The following PDK4 variants were observed in gnomAD, a reference collection of about 807,000 sequenced individuals.
The protein encoded by PDK4 is pyruvate dehydrogenase kinase, isozyme 4.
In PDK4, 43 loss-of-function variants were observed where a neutral mutation model predicts 51.7. That is an observed-to-expected ratio of 0.83 (90% CI 0.65 to 1.07). The LOEUF is 1.07. Among genes scored for constraint, PDK4 ranks in the 50% least tolerant of loss-of-function variants. The pLI is 0.00. For missense variants in PDK4, 498 were observed against 503.5 expected (o/e 0.99, Z 0.10); for synonymous variants, 170 against 176.6 (o/e 0.96, Z 0.30).
intron 1 of PDK4, among the ~76,000 whole-genome samples, chr7:95,595,793 C>T (rs1029083001): frequency 7.9e-5 from 12 of 152,168 alleles, no homozygotes; most frequent in African/African-American, 2.7e-4. Context: ...CTATTTAATA[C>T]TATTCAGAAA....
rs775862416 is a variant in PDK4, at chr7:95,587,452, G to A, written c.947C>T (p.Thr316Met). 2.0e-5 allele frequency: 32 copies of A among 1,608,566 alleles called. No individual in the cohort carries two copies. The Admixed American group carries it at 3.3e-4, about 17-fold the overall frequency. Residue 316 changes from threonine (T) to methionine (M), a missense_variant, in exon 9 of 11, where the codon ACG (threonine) becomes ATG (methionine). Coordinates refer to ENST00000005178, the MANE Select transcript of PDK4 (RefSeq NM_002612.4). ...ATTCCGGGAATTATCCATCACAGGC[G>A]TTGGTGCAGTGGAGTATGTATAACT... The part of the protein sequence containing the change: ...LFSYTYSTAP[T>M]PVMDNSRNAP...
chr7:95,594,955 A>G (rs922107159), intron 2 of PDK4, 68 bp downstream of exon 2: 2 of 1,060,958 alleles, frequency 1.9e-6, no homozygotes, highest in Admixed American at 2.2e-5. Context: ...TGATGTTAAC[A>G]TAGTATAAGA....
chr7:95,592,022 T>A lies in PDK4; in HGVS notation c.660A>T (p.Leu220Phe). Residue 220 changes from leucine to phenylalanine, a missense_variant, in exon 6 of 11, where the codon TTA becomes TTT. Transcript: ENST00000005178. ...GTGTAAGCTTTAATTCTGGAGATGA[T>A]AAATAATACTGATCACAGAGCATCC... ...CSRMLCDQYY[L>F]SSPELKLTQV... 1 of 1,577,590 alleles carries A rather than the reference T, an allele frequency of 6.3e-7. No homozygotes were observed. Among genetic ancestry groups the A allele is most frequent in the Non-Finnish European group, 8.6e-7 (1 of 1,159,190 alleles).
At chr7:95,587,179 A>G in intron 9 of PDK4, 56 bp from the exon 10 acceptor site, 2 of 1,042,832 alleles carry the variant, frequency 1.9e-6, no homozygotes, top group Non-Finnish European at 3.0e-6. Context: ...TGAAATACAA[A>G]CAAGCAGGAA....
chr7:95,587,473 T>A lies in PDK4; in HGVS notation c.926A>T (p.Tyr309Phe). Residue 309 changes from tyrosine (Y) to phenylalanine (F), a missense_variant, in exon 9 of 11, where the codon TAT becomes TTT. Physicochemically the swap from Tyr to Phe is conservative, Grantham distance 22. Coordinates refer to ENST00000005178, the MANE Select transcript of PDK4 (RefSeq NM_002612.4). ...PLRIIDRLFS[Y>F]TYSTAPTPVM... ...AGGCGTTGGTGCAGTGGAGTATGTA[T>A]AACTAAAGAGGCGGTCAATAATTCT... The A allele has an allele frequency of 6.2e-7, 1 of 1,612,360 alleles. No homozygotes were observed. Among genetic ancestry groups the A allele is most frequent in the Non-Finnish European group, 8.5e-7 (1 of 1,178,374 alleles).
At chr7:95,594,042 T>C (rs537482911) in intron 2 of PDK4, among the ~76,000 whole-genome samples, 1 of 152,354 alleles carries the variant, frequency 6.6e-6, no homozygotes, top group East Asian at 1.9e-4. Context: ...TGGCAAATAT[T>C]TTCATTTCTT....
intron 2 of PDK4, among the ~76,000 whole-genome samples, chr7:95,593,975 C>A (rs551859881): frequency 1.2e-4 from 19 of 152,248 alleles, no homozygotes; most frequent in African/African-American, 4.3e-4. Context: ...TAAAATTTAA[C>A]GCAAAATGTT....
chr7:95,592,425 T>TTA, intron 5 of PDK4, 86 bp downstream of exon 5: 10 of 803,368 alleles, frequency 1.2e-5, no homozygotes, highest in Non-Finnish European at 1.7e-5. Flanking sequence ...GAATATAAAT[T>TTA]CATTCACAGA....
Position 95,589,510 on chromosome 7 carries a change from A to G in PDK4, c.771+130T>C, listed in dbSNP as rs1374649334. On this transcript the variant is annotated intron_variant, in intron 7 of 10. Coordinates refer to ENST00000005178, the MANE Select transcript of PDK4 (RefSeq NM_002612.4). Reference sequence around the variant, plus strand: ...ATTGACTGTATAGTTTCTTTCTCTTAGGAGGACTAGAAGCATTCTTGGGAA... The same window carrying G: ...ATTGACTGTATAGTTTCTTTCTCTTGGGAGGACTAGAAGCATTCTTGGGAA... 5.5e-6 allele frequency: 3 copies of G among 546,010 alleles called. No individual in the cohort carries two copies. In the East Asian group the frequency reaches 8.7e-5, roughly 16 times the overall value. The allele number at this position is 546,010 out of a possible 1,614,324, so 33.8% of individuals were successfully genotyped here.
chr7:95,587,520 G>A lies in PDK4; in HGVS notation c.879C>T (p.Asp293=). The change falls in exon 9 of 11, where the codon GAC becomes GAT. Residue 293 remains aspartate, a synonymous_variant. Transcript: ENST00000005178. Reference sequence around the variant, plus strand: ...TTCTCAGGGGAACACCACCTCCTCTGTCTGAAATCTAAAACAAACAAACAA... The same window carrying A: ...TTCTCAGGGGAACACCACCTCCTCTATCTGAAATCTAAAACAAACAAACAA... ...GKEDLTIKIS[D]RGGGVPLRII... is the part of the protein sequence containing the mutation. The A allele has an allele frequency of 6.3e-7, 1 of 1,586,964 alleles. No homozygotes were observed. The highest frequency in any genetic ancestry group is 8.7e-7 in the Non-Finnish European group (1 of 1,155,312).
At chr7:95,585,838 G>T in intron 10 of PDK4, 57 bp from the exon 11 acceptor site, 21 of 1,459,176 alleles carry the variant, frequency 1.4e-5, no homozygotes, top group Non-Finnish European at 1.9e-5. Context: ...GGCATAATTT[G>T]CACTTGAAGT....
Position 95,589,668 on chromosome 7 carries a change from A to C in PDK4, c.743T>G (p.Leu248Arg). 6.3e-7 allele frequency: 1 copy of C among 1,579,778 alleles called. No homozygotes were observed. The highest frequency in any genetic ancestry group is 8.7e-7 in the Non-Finnish European group (1 of 1,149,456). ...AAATAGTTCAAAGAGCATATGATGG[A>C]GGTGAGAAGGAACATACACGATGTG... ...PIHIVYVPSH[L>R]HHMLFELFKN... Residue 248 changes from leucine (L) to arginine (R), a missense_variant, in exon 7 of 11, where the codon CTC becomes CGC. Coordinates refer to ENST00000005178, the MANE Select transcript of PDK4 (RefSeq NM_002612.4).
Position 95,587,043 on chromosome 7 carries a change from T to G in PDK4, c.1062A>C (p.Ser354=). Residue 354 remains serine (S), a synonymous_variant, in exon 10 of 11, where the codon TCA becomes TCC. Transcript: ENST00000005178. ...AGATGATAGCATCTGTTCCATATCC[T>G]GATAAAGAGTAGAGATTCAGATCTC... The part of the protein sequence containing the change: ...FQGDLNLYSL[S]GYGTDAIIYL... 1.2e-6 allele frequency: 2 copies of G among 1,604,932 alleles called. No individual in the cohort carries two copies. The highest frequency in any genetic ancestry group is 1.7e-6 in the Non-Finnish European group (2 of 1,171,836).
rs1194741833 is a variant in PDK4, at chr7:95,595,296, TA to T, written c.131-133del. On this transcript the variant is annotated intron_variant, in intron 1 of 10. Transcript: ENST00000005178. ...ATTTCACTCTCAGTTGGGTTACTGT[TA>T]ATCGATAATTCAGGGGCGATTGTCT... 4 of 556,478 alleles carry T rather than the reference TA, an allele frequency of 7.2e-6. No homozygotes were observed. The African/African-American group carries it at 7.6e-5, about 11-fold the overall frequency. The allele number at this position is 556,478 out of a possible 1,614,324, so 34.5% of individuals were successfully genotyped here. A position where few individuals can be genotyped will look rare whatever the true frequency, so the allele number is the denominator to read the frequency against.
chr7:95,591,392 T>A (rs566354809), intron 6 of PDK4, among the ~76,000 whole-genome samples: 1 of 152,342 alleles, frequency 6.6e-6, no homozygotes, highest in African/African-American at 2.4e-5. Flanking sequence ...ATAAGCACTA[T>A]GTTGAACAGC....
At chr7:95,589,485 A>G (rs529161296) in intron 7 of PDK4, among the ~76,000 whole-genome samples, 155 bp downstream of exon 7, 11 of 152,344 alleles carry the variant, frequency 7.2e-5, no homozygotes, top group Admixed American at 3.9e-4. Flanking sequence ...TTTGTCAAAC[A>G]TTGACTGTAT....
Position 95,585,794 on chromosome 7 carries a change from G to C in PDK4, c.1096-13C>G. The C allele has an allele frequency of 6.4e-7, 1 of 1,573,826 alleles. No individual in the cohort carries two copies. The highest frequency in any genetic ancestry group is 8.7e-7 in the Non-Finnish European group (1 of 1,151,084). ...CAGAAGACAAAGCCTAAAAGAAAAG[G>C]GGGGAAAAACATGAGACCAAAGAAA... On this transcript the variant is annotated splice_polypyrimidine_tract_variant and intron_variant, in intron 10 of 10. Transcript: ENST00000005178.
chr7:95,585,638 T>C lies in PDK4; in HGVS notation c.*3A>G. The C allele has an allele frequency of 1.2e-6, 2 of 1,607,472 alleles. No individual in the cohort carries two copies. The highest frequency in any genetic ancestry group is 8.5e-7 in the Non-Finnish European group (1 of 1,175,324). On this transcript the variant is annotated 3_prime_UTR_variant, in exon 11 of 11. Transcript: ENST00000005178. ...TCCCGTAAAGTGTCCTGAGTGTCCC[T>C]CTTCACATGGCCACTTCTTTTGCCA... is the stretch of plus-strand genomic sequence containing the variant.
Position 95,587,067 on chromosome 7 carries a change from T to C in PDK4, c.1038A>G (p.Gly346=), listed in dbSNP as rs776511468. Residue 346 remains glycine (G), a synonymous_variant, in exon 10 of 11, where the codon GGA becomes GGG. Transcript: ENST00000005178. Reference sequence around the variant, plus strand: ...CTGATAAAGAGTAGAGATTCAGATCTCCTTGAAAGTACTTTGCATACAGAC... The same window carrying C: ...CTGATAAAGAGTAGAGATTCAGATCCCCTTGAAAGTACTTTGCATACAGAC... The part of the protein sequence containing the change: ...ISRLYAKYFQ[G]DLNLYSLSGY... 6.2e-7 allele frequency: 1 copy of C among 1,612,648 alleles called. No individual in the cohort carries two copies. Among genetic ancestry groups the C allele is most frequent in the Non-Finnish European group, 8.5e-7 (1 of 1,178,736 alleles).
Sources: gnomAD v4.1 joint callset for allele counts (sites outside exome capture counted in the v4.1 genomes callset) on GRCh38, gnomAD v4.1.1 for gene constraint, MANE v1.5 for transcripts, NCBI Gene and HGNC (gene_info 2026-07-23, HGNC 2026-07-21) for gene names.